Variants in NDUFA8 observed in about 807,000 individuals in gnomAD.
NDUFA8 encodes the protein NADH:ubiquinone oxidoreductase subunit A8.
NDUFA8 carries 16 observed loss-of-function variants against 20.9 expected under a neutral mutation model. The ratio of observed to expected loss-of-function variants is 0.77; its 90% confidence interval spans 0.52 to 1.16. The LOEUF (loss-of-function observed/expected upper bound fraction) is 1.16, where lower values mean the gene tolerates loss of function less well. Among genes scored for constraint, NDUFA8 ranks in the 50% most tolerant of loss-of-function variants. The probability of loss-of-function intolerance (pLI) is 0.00; values close to 1 mark genes in which losing one functional copy is unlikely to be tolerated. For missense variants in NDUFA8, 202 were observed against 216.4 expected (o/e 0.93, Z 0.42); for synonymous variants, 70 against 76.1 (o/e 0.92, Z 0.41).
chr9:122,152,327 G>A lies in NDUFA8; in HGVS notation c.133C>T (p.Leu45Phe). The A allele has an allele frequency of 6.2e-7, 1 of 1,614,154 alleles. No homozygotes were observed. ...GGATCTTTCTCTTCCCAGCGGCAGA[G>A]CATAAACTCCTTGTTGGGCTTATCA... is the stretch of plus-strand genomic sequence containing the variant. ...QCDKPNKEFMLCRWEEKDPRR... is the reference protein window; with the variant it reads ...QCDKPNKEFMFCRWEEKDPRR... Residue 45 changes from leucine to phenylalanine, a missense_variant, in exon 2 of 4, where the codon CTC (leucine) becomes TTC (phenylalanine). Physicochemically the swap from Leu to Phe is conservative, Grantham distance 22. Coordinates refer to ENST00000373768, the MANE Select transcript of NDUFA8 (RefSeq NM_014222.3).
chr9:122,139,513 A>G (rs1057239121), downstream of NDUFA8, among the ~76,000 whole-genome samples: 1 of 152,216 alleles, frequency 6.6e-6, no homozygotes, highest in Non-Finnish European at 1.5e-5. Flanking sequence ...ACCCATGTCT[A>G]GAAAGGCAGG....
At chr9:122,134,029 G>A in the NDUFA8 span, among the ~76,000 whole-genome samples, 5 of 152,186 alleles carry the variant, frequency 3.3e-5, no homozygotes, top group Non-Finnish European at 7.3e-5. Flanking sequence ...CTCTGGGCCT[G>A]AGCTCTCCAT....
chr9:122,147,617 A>ATTTTTTTTTTTTTTTTTTTTTTTTTTTT (rs34576446), intron 3 of NDUFA8, among the ~76,000 whole-genome samples: 4 of 106,762 alleles, frequency 3.7e-5, no homozygotes, highest in Non-Finnish European at 5.3e-5. Context: ...GCCTAAAGAA[A>ATTTTTTTTTTTTTTTTTTTTTTTTTTTT]TTTTTTTTTT....
Position 122,151,405 on chromosome 9 carries a change from C to T in NDUFA8, c.215+840G>A, listed in dbSNP as rs143265276. On this transcript the variant is annotated intron_variant, in intron 2 of 3. Coordinates refer to ENST00000373768, the MANE Select transcript of NDUFA8 (RefSeq NM_014222.3). ...ATGATATGTATACGAAGTCCGCCAG[C>T]CAGGACAATTAGACTCAGTCCAGGA... Among the ~76,000 whole-genome samples the T allele has an allele frequency of 2.6e-3, 391 of 152,306 alleles. 3 individuals are homozygous for T. Among genetic ancestry groups the T allele is most frequent in the African/African-American group, 9.1e-3 (380 of 41,560 alleles).
intron 3 of NDUFA8, among the ~76,000 whole-genome samples, chr9:122,146,272 A>G (rs1374906048): frequency 6.6e-6 from 1 of 152,206 alleles, no homozygotes; most frequent in East Asian, 1.9e-4. Context: ...ATCGAGAAAT[A>G]CACTTTTGAA....
At position 122,148,200 on chromosome 9, in the gene NDUFA8, C is replaced by A. The variant is rs1319414797; in HGVS notation, c.293G>T (p.Arg98Leu). 6.2e-7 allele frequency: 1 copy of A among 1,613,964 alleles called. No homozygotes were observed. Among genetic ancestry groups the A allele is most frequent in the Admixed American group, 1.7e-5 (1 of 59,994 alleles). The change falls in exon 3 of 4, where the codon CGT (arginine) becomes CTT (leucine). Residue 98 changes from arginine (R) to leucine (L), a missense_variant. Arg to Leu is a moderately radical substitution (Grantham distance 102, BLOSUM62 -2). Transcript: ENST00000373768. Reference sequence around the variant, plus strand: ...CTTTGCCTGCTGTTTGCGACAGTGACGAAATAACTGCTGGCCAGTATAATC... The same window carrying A: ...CTTTGCCTGCTGTTTGCGACAGTGAAGAAATAACTGCTGGCCAGTATAATC... ...CIDYTGQQLF[R>L]HCRKQQAKFD...
intron 3 of NDUFA8, 112 bp downstream of exon 3, chr9:122,148,000 C>G (rs1270156622): frequency 1.0e-5 from 13 of 1,263,834 alleles, no homozygotes; most frequent in Non-Finnish European, 1.5e-5. Context: ...TTTGGTAAAT[C>G]TGGTAAGTTC....
At chr9:122,157,623 C>T (rs977000059) in intron 1 of NDUFA8, among the ~76,000 whole-genome samples, 2 of 133,528 alleles carry the variant, frequency 1.5e-5, no homozygotes, top group African/African-American at 6.3e-5. Context: ...AAAATTGCAA[C>T]AAGAAATACA....
intron 2 of NDUFA8, among the ~76,000 whole-genome samples, chr9:122,150,410 CAAAAAAAAAAAAA>C (rs60728190): frequency 5.1e-5 from 1 of 19,654 alleles, no homozygotes; most frequent in Non-Finnish European, 1.4e-4. Flanking sequence ...CACCCCATCA[CAAAAAAAAAAAAA>C]AAAAAAAAAA....
intron 1 of NDUFA8, among the ~76,000 whole-genome samples, chr9:122,159,286 C>CGCATGCAA: frequency 6.6e-6 from 1 of 152,202 alleles, no homozygotes; most frequent in African/African-American, 2.4e-5. Context: ...ATACTCACCT[C>CGCATGCAA]GCATGCAAGT....
At position 122,159,706 on chromosome 9, in the gene NDUFA8, A is replaced by G. The variant is rs1464432969; in HGVS notation, c.-29T>C. 1.2e-6 allele frequency: 2 copies of G among 1,613,882 alleles called. No individual in the cohort carries two copies. The highest frequency in any genetic ancestry group is 1.3e-5 in the African/African-American group (1 of 74,934). On this transcript the variant is annotated 5_prime_UTR_variant, in exon 1 of 4. Transcript: ENST00000373768. ...GGCTGCAGCCCCGACCCCGACGAGA[A>G]GCCCTCAGCCGCGTCGCCCCCGTCT...
At chr9:122,154,001 C>T (rs1260693282) in intron 1 of NDUFA8, among the ~76,000 whole-genome samples, 3 of 152,204 alleles carry the variant, frequency 2.0e-5, no homozygotes, top group Non-Finnish European at 4.4e-5. Context: ...GTTCTTTCCT[C>T]TCTGTAAGCA....
intron 1 of NDUFA8, among the ~76,000 whole-genome samples, chr9:122,153,354 G>T (rs1829033054): frequency 6.6e-6 from 1 of 150,834 alleles, no homozygotes; most frequent in South Asian, 2.1e-4. Flanking sequence ...AGATGAGGCT[G>T]GAAGAGATCA....
At chr9:122,144,406 A>C in intron 3 of NDUFA8, 28 bp from the exon 4 acceptor site, 2 of 1,605,084 alleles carry the variant, frequency 1.2e-6, no homozygotes, top group South Asian at 2.2e-5. Context: ...GGCAAAAGCA[A>C]AGTTGAAAGC....
intron 1 of NDUFA8, among the ~76,000 whole-genome samples, chr9:122,153,180 T>C (rs1194301933): frequency 6.6e-6 from 1 of 151,552 alleles, no homozygotes; most frequent in Non-Finnish European, 1.5e-5. Flanking sequence ...GGCATGAGAA[T>C]TGCTTGAACC....
chr9:122,156,261 C>T (rs185465890), intron 1 of NDUFA8, among the ~76,000 whole-genome samples: 36 of 152,322 alleles, frequency 2.4e-4, no homozygotes, highest in Non-Finnish European at 1.2e-4. Flanking sequence ...CTCACAACAG[C>T]CTCATTGCAC....
chr9:122,133,160 C>T, the NDUFA8 span, among the ~76,000 whole-genome samples: 4 of 152,074 alleles, frequency 2.6e-5, no homozygotes, highest in Admixed American at 6.6e-5. Context: ...AATAAGTGGC[C>T]GAGCTGGGAA....
At chr9:122,142,229 C>A (rs1309603438), downstream of NDUFA8, among the ~76,000 whole-genome samples, 3 of 152,168 alleles carry the variant, frequency 2.0e-5, no homozygotes, top group Non-Finnish European at 1.5e-5. Context: ...CATATACACC[C>A]ATTTATTTTG....
At chr9:122,135,017 C>G in the NDUFA8 span, among the ~76,000 whole-genome samples, 1 of 152,202 alleles carries the variant, frequency 6.6e-6, no homozygotes, top group African/African-American at 2.4e-5. Context: ...TCAAGAAACA[C>G]GGTCTTTTCA....
Sources: gnomAD v4.1 joint callset for allele counts (sites outside exome capture counted in the v4.1 genomes callset) on GRCh38, gnomAD v4.1.1 for gene constraint, MANE v1.5 for transcripts, NCBI Gene and HGNC (gene_info 2026-07-23, HGNC 2026-07-21) for gene names.